The following ADGRV1 variants were observed in gnomAD, a reference collection of about 807,000 sequenced individuals.
ADGRV1 encodes adhesion G protein-coupled receptor V1.
A neutral mutation model predicts 596.2 loss-of-function variants in ADGRV1; 359 were observed. The ratio of observed to expected loss-of-function variants is 0.60; its 90% CI spans 0.55 to 0.66. The LOEUF (loss-of-function observed/expected upper bound fraction) is 0.66, where lower values mean the gene tolerates loss of function less well. ADGRV1 is among the 30% of genes least tolerant of loss of function. ADGRV1 has a pLI of 0.00. For missense variants in ADGRV1, 7,274 were observed against 7,575.6 expected (o/e 0.96, Z 1.48); for synonymous variants, 2,681 against 2,679.2 (o/e 1.00, Z -0.02).
At chr5:91,151,519 A>G (rs937888079) in intron 88 of ADGRV1, among the ~76,000 whole-genome samples, 13 of 152,320 alleles carry the variant, frequency 8.5e-5, no homozygotes, top group Admixed American at 8.5e-4. Flanking sequence ...CTCTATCCCC[A>G]AAGTTCTTAA....
intron 72 of ADGRV1, among the ~76,000 whole-genome samples, chr5:90,806,439 AT>A (rs1761909530): frequency 6.6e-6 from 1 of 151,920 alleles, no homozygotes; most frequent in African/African-American, 2.4e-5. Context: ...ATATTTAATT[AT>A]TTTTTCCTGT....
rs767567119 is a variant in ADGRV1 at position 90,627,553 on chromosome 5, G to C, written c.1015G>C (p.Glu339Gln). The change falls in exon 7 of 90, where the codon GAA (glutamate) becomes CAA (glutamine). Residue 339 changes from glutamate (E) to glutamine (Q), a missense_variant. Glu to Gln is a conservative substitution (Grantham distance 29). This residue lies in a region of ADGRV1 where 1,715 missense variants were observed against 1,708.8 expected (regional missense o/e 1.00). Transcript: ENST00000405460. Reference sequence around the variant, plus strand: ...TGTTGTTTTTCCACCTTTTATTCATGAATCTCACTTGAAATTTCAAATAGT... The same window carrying C: ...TGTTGTTTTTCCACCTTTTATTCATCAATCTCACTTGAAATTTCAAATAGT... ...TTVVFPPFIH[E>Q]SHLKFQIVDD... 16 of 1,613,660 alleles carry C rather than the reference G, an allele frequency of 9.9e-6. No homozygotes were observed. The highest frequency in any genetic ancestry group is 3.3e-4 in the Middle Eastern group (2 of 6,084).
intron 64 of ADGRV1, chr5:90,779,938 T>A (rs1027210712): frequency 2.0e-5 from 3 of 152,202 alleles, no homozygotes; most frequent in Admixed American, 2.0e-4. Context: ...TAAGTGTATA[T>A]CATCCCATCT....
At chr5:90,930,954 C>G (rs1775192435) in intron 83 of ADGRV1, among the ~76,000 whole-genome samples, 1 of 152,118 alleles carries the variant, frequency 6.6e-6, no homozygotes, top group Admixed American at 6.5e-5. Flanking sequence ...TATGTTGCAT[C>G]AGTGATAAGA....
In ADGRV1 at chr5:90,712,442, T is replaced by G; in HGVS notation, c.9184+14T>G. On this transcript the variant is annotated intron_variant, in intron 42 of 89. Transcript: ENST00000405460. Reference sequence around the variant, plus strand: ...AAAATACAATAGGTAATTAATAATTTCTTATAAACAGCTTCCTCTCCTTCA... The same window carrying G: ...AAAATACAATAGGTAATTAATAATTGCTTATAAACAGCTTCCTCTCCTTCA... 1.3e-6 allele frequency: 2 copies of G among 1,564,124 alleles called. No individual in the cohort carries two copies. The highest frequency in any genetic ancestry group is 2.3e-5 in the East Asian group (1 of 43,912).
At chr5:91,027,187 ACACTGT>A (rs1230722622) in intron 85 of ADGRV1, among the ~76,000 whole-genome samples, 2 of 150,540 alleles carry the variant, frequency 1.3e-5, no homozygotes, top group Admixed American at 1.3e-4. Context: ...ACACACACAC[ACACTGT>A]CTAACTAGAG....
chr5:90,880,622 G>A (rs927504639), intron 83 of ADGRV1, among the ~76,000 whole-genome samples: 1 of 152,050 alleles, frequency 6.6e-6, no homozygotes, highest in African/African-American at 2.4e-5. Flanking sequence ...TTAGTAGTTG[G>A]GACTTTACTT....
At position 90,781,575 on chromosome 5, in the gene ADGRV1, G is replaced by A. The variant is rs371970388; in HGVS notation, c.13228G>A (p.Glu4410Lys). The A allele has an allele frequency of 1.2e-4, 188 of 1,600,272 alleles. No individual in the cohort carries two copies. The highest frequency in any genetic ancestry group is 1.5e-4 in the Non-Finnish European group (174 of 1,171,196). ...ATTTGACCCAAAGTATACTGCCTTC[G>A]AAGGTAGGTTCAGTCAGCTAGCTTG... ...IEFDPKYTAF[E>K]VEEDVGLIMI... The change falls in exon 65 of 90, where the codon GAA becomes AAA. Residue 4410 changes from glutamate to lysine, a missense_variant. By Grantham distance (56) the Glu-to-Lys change is moderately conservative. Transcript: ENST00000405460.
chr5:90,725,994 G>A (rs1056422970), intron 48 of ADGRV1, among the ~76,000 whole-genome samples: 3 of 152,184 alleles, frequency 2.0e-5, no homozygotes, highest in Admixed American at 6.5e-5. Flanking sequence ...CAGGCATTCA[G>A]TATCACCTCA....
intron 77 of ADGRV1, among the ~76,000 whole-genome samples, chr5:90,836,553 G>C (rs1764988838): frequency 6.6e-6 from 1 of 152,138 alleles, no homozygotes; most frequent in African/African-American, 2.4e-5. Context: ...AGAAATTGGT[G>C]GTTGCCAGAG....
At chr5:91,135,311 C>T (rs183926294) in intron 87 of ADGRV1, among the ~76,000 whole-genome samples, 2 of 152,092 alleles carry the variant, frequency 1.3e-5, no homozygotes, top group African/African-American at 2.4e-5. Context: ...GGGCTTTAAA[C>T]ATGCACACGC....
At chr5:90,839,808 C>G (rs942213406) in intron 77 of ADGRV1, among the ~76,000 whole-genome samples, 4 of 152,172 alleles carry the variant, frequency 2.6e-5, no homozygotes, top group Non-Finnish European at 4.4e-5. Context: ...AGGTAAAAAT[C>G]TATCATTAAT....
chr5:90,699,416 A>C (rs767774834), intron 34 of ADGRV1, among the ~76,000 whole-genome samples: 1 of 152,068 alleles, frequency 6.6e-6, no homozygotes, highest in Non-Finnish European at 1.5e-5. Context: ...TGTTTTGTTG[A>C]AGAAATAGGG....
chr5:91,039,448 T>G (rs1785161637), intron 85 of ADGRV1, among the ~76,000 whole-genome samples: 1 of 152,160 alleles, frequency 6.6e-6, no homozygotes, highest in Non-Finnish European at 1.5e-5. Context: ...ACTGTTTGAG[T>G]CATGTATTCA....
In ADGRV1 at chr5:90,627,438, G is replaced by A. The variant is rs1481711183; in HGVS notation, c.900G>A (p.Glu300=). Residue 300 remains glutamate, a synonymous_variant, in exon 7 of 90, where the codon GAG becomes GAA. Transcript: ENST00000405460. ...NGNLIGSDEY[E]VSISYAVTTG... ...ATCTGATTGGATCTGATGAATATGAGGTTTCAATCAGTTATGCTGTCACAA... is the reference window on the plus strand; with the variant it reads ...ATCTGATTGGATCTGATGAATATGAAGTTTCAATCAGTTATGCTGTCACAA... 6.2e-7 allele frequency: 1 copy of A among 1,613,852 alleles called. No individual in the cohort carries two copies. Among genetic ancestry groups the A allele is most frequent in the Non-Finnish European group, 8.5e-7 (1 of 1,179,786 alleles).
intron 83 of ADGRV1, among the ~76,000 whole-genome samples, chr5:90,886,856 A>G (rs548806029): frequency 6.6e-5 from 10 of 152,222 alleles, no homozygotes; most frequent in Non-Finnish European, 1.2e-4. Flanking sequence ...GTGTGCCAGC[A>G]AATTCTTTTA....
rs566654986 is a variant in ADGRV1 at position 90,725,118 on chromosome 5, G to A, written c.9939G>A (p.Glu3313=). 12 of 1,536,384 alleles carry A rather than the reference G, an allele frequency of 7.8e-6. No homozygotes were observed. Among genetic ancestry groups the A allele is most frequent in the African/African-American group, 1.4e-5 (1 of 71,978 alleles). The change falls in exon 47 of 90, where the codon GAG becomes GAA. Residue 3313 remains glutamate (E), a synonymous_variant. Coordinates refer to ENST00000405460, the MANE Select transcript of ADGRV1 (RefSeq NM_032119.4). ...ATATAGAAAATCCTAAAACTTGTGA[G>A]GCCTTTAATATTGGTTTTTCTCCCT... ...DLNIENPKTC[E]AFNIGFSPYF... is the part of the protein sequence containing the mutation.
chr5:90,779,534 T>G (rs1758621241), intron 64 of ADGRV1: 1 of 153,346 alleles, frequency 6.5e-6, no homozygotes, highest in Non-Finnish European at 1.5e-5. Flanking sequence ...TCTCTGTGGG[T>G]GAATGACATA....
chr5:90,939,560 C>T (rs941723388), intron 83 of ADGRV1, among the ~76,000 whole-genome samples: 2 of 152,080 alleles, frequency 1.3e-5, no homozygotes, highest in African/African-American at 4.8e-5. Flanking sequence ...AAATAAAATG[C>T]TCTAAATGAC....
Sources: gnomAD v4.1 joint callset for allele counts (sites outside exome capture counted in the v4.1 genomes callset) on GRCh38, gnomAD v4.1.1 for gene constraint, gnomAD v4.1.1 regional missense constraint, MANE v1.5 for transcripts, NCBI Gene and HGNC (gene_info 2026-07-23, HGNC 2026-07-21) for gene names.